PTPRD: variants seen among roughly 807,000 people sequenced by gnomAD.
The protein encoded by PTPRD is receptor-type tyrosine-protein phosphatase delta.
Under a neutral mutation model 214.5 loss-of-function variants are expected in PTPRD, and 34 were observed. That is an observed-to-expected ratio of 0.16 (90% confidence interval 0.12 to 0.21). The LOEUF (loss-of-function observed/expected upper bound fraction) is 0.21. Ranked by LOEUF, PTPRD falls within the 10% of genes least tolerant of loss-of-function variation. The pLI, the probability that PTPRD is intolerant of heterozygous loss-of-function variation, is 1.00. For missense variants in PTPRD, 2,545 were observed against 2,398.7 expected (o/e 1.06, Z -1.27); for synonymous variants, 1,128 against 845.7 (o/e 1.33, Z -5.79).
intron 39 of PTPRD, among the ~76,000 whole-genome samples, chr9:8,354,262 G>T (rs2076417650): frequency 6.6e-6 from 1 of 151,664 alleles, no homozygotes; most frequent in Admixed American, 6.6e-5. Context: ...TGTAAAATGG[G>T]ATTCACTTCC....
At chr9:8,723,098 T>C (rs2098519254) in intron 12 of PTPRD, among the ~76,000 whole-genome samples, 2 of 152,128 alleles carry the variant, frequency 1.3e-5, no homozygotes, top group Admixed American at 1.3e-4. Context: ...CTCCTATACC[T>C]AGCCCAGCAA....
intron 11 of PTPRD, among the ~76,000 whole-genome samples, chr9:8,989,174 G>A (rs1166670392): frequency 1.6e-4 from 25 of 151,720 alleles, no homozygotes; most frequent in Admixed American, 1.6e-3. Context: ...AATCAGGGTA[G>A]GGATATTCAT....
chr9:9,187,956 A>G (rs932975883), intron 9 of PTPRD, among the ~76,000 whole-genome samples: 12 of 152,034 alleles, frequency 7.9e-5, no homozygotes, highest in Non-Finnish European at 1.2e-4. Flanking sequence ...ACTTATAGAA[A>G]AGTACATAAA....
In PTPRD at chr9:10,475,983, C is replaced by T. The variant is rs138745070; in HGVS notation, c.-599-134966G>A. Among the ~76,000 whole-genome samples, 449 of 152,132 alleles carry T rather than the reference C, an allele frequency of 3.0e-3. 2 individuals are homozygous for T. Among genetic ancestry groups the T allele is most frequent in the Non-Finnish European group, 5.2e-3 (351 of 67,966 alleles). On this transcript the variant is annotated intron_variant, in intron 2 of 45. Coordinates refer to ENST00000381196, the MANE Select transcript of PTPRD (RefSeq NM_002839.4). ...AACTAGATATTGATAGAAGATATCT[C>T]AAAATAATAAAATCTATTTATAACA... is the stretch of plus-strand genomic sequence containing the variant.
chr9:9,377,049 A>C (rs1416189400), intron 9 of PTPRD, among the ~76,000 whole-genome samples: 1 of 152,072 alleles, frequency 6.6e-6, no homozygotes. Context: ...TAAAGGAAGA[A>C]TTTGGCTGGA....
intron 10 of PTPRD, among the ~76,000 whole-genome samples, chr9:9,073,290 C>T (rs1342588595): frequency 1.3e-5 from 2 of 152,054 alleles, no homozygotes; most frequent in African/African-American, 2.4e-5. Flanking sequence ...TGTGGACTCT[C>T]GAATCAGATG....
chr9:9,947,305 TTATATATATATTATATATATTA>T (rs1330545548), intron 4 of PTPRD, among the ~76,000 whole-genome samples: 4 of 81,538 alleles, frequency 4.9e-5, no homozygotes, highest in Non-Finnish European at 6.3e-5. Context: ...TATATATATT[TTATATATATATTATATATATTA>T]TATATGTATT....
chr9:8,720,842 C>G (rs1001905492), intron 12 of PTPRD, among the ~76,000 whole-genome samples: 12 of 152,068 alleles, frequency 7.9e-5, no homozygotes, highest in Admixed American at 3.9e-4. Flanking sequence ...CTACAATGAA[C>G]CTGGATAACT....
chr9:8,752,032 C>A (rs2093585939), intron 11 of PTPRD, among the ~76,000 whole-genome samples: 2 of 152,204 alleles, frequency 1.3e-5, no homozygotes, highest in African/African-American at 4.8e-5. Flanking sequence ...GGAAGAAGCT[C>A]TGCATGGTCC....
chr9:9,552,604 G>A (rs574120658), intron 8 of PTPRD, among the ~76,000 whole-genome samples: 2 of 152,078 alleles, frequency 1.3e-5, no homozygotes, highest in Non-Finnish European at 2.9e-5. Context: ...TCTGTCTAAT[G>A]ACCTAAGAAT....
chr9:10,441,111 T>C (rs772241297), intron 2 of PTPRD, among the ~76,000 whole-genome samples: 2 of 151,688 alleles, frequency 1.3e-5, no homozygotes, highest in African/African-American at 2.4e-5. Flanking sequence ...TCGCTTTCTA[T>C]CCAGTCTCAT....
chr9:9,019,882 C>CT (rs1160367980), intron 10 of PTPRD, among the ~76,000 whole-genome samples: 6 of 151,552 alleles, frequency 4.0e-5, no homozygotes, highest in Non-Finnish European at 7.4e-5. Context: ...AACTTGTTCA[C>CT]TTTTTTTTTC....
At chr9:9,112,202 G>A (rs542322403) in intron 10 of PTPRD, among the ~76,000 whole-genome samples, 1 of 152,160 alleles carries the variant, frequency 6.6e-6, no homozygotes, top group Non-Finnish European at 1.5e-5. Context: ...GACCGTGAAA[G>A]CACTGTCTAC....
chr9:8,952,913 G>T (rs2099110720), intron 11 of PTPRD, among the ~76,000 whole-genome samples: 1 of 151,674 alleles, frequency 6.6e-6, no homozygotes, highest in Admixed American at 6.6e-5. Flanking sequence ...AGAATCAATT[G>T]ATCTTTCACT....
chr9:10,600,034 A>T (rs2077569901), intron 2 of PTPRD, among the ~76,000 whole-genome samples: 1 of 151,816 alleles, frequency 6.6e-6, no homozygotes. Context: ...GAAAGTGTTC[A>T]TGTAATATAT....
chr9:8,590,133 T>C (rs925305656), intron 14 of PTPRD, among the ~76,000 whole-genome samples: 1 of 152,110 alleles, frequency 6.6e-6, no homozygotes, highest in African/African-American at 2.4e-5. Context: ...ACAGTCATAA[T>C]ATGAGCTGGA....
intron 8 of PTPRD, among the ~76,000 whole-genome samples, chr9:9,419,565 A>G (rs192418623): frequency 5.9e-5 from 9 of 151,888 alleles, no homozygotes; most frequent in African/African-American, 2.4e-5. Flanking sequence ...AAAAGCCCCA[A>G]TATGTATATT....
chr9:9,394,255 CT>C (rs1290877074), intron 9 of PTPRD, among the ~76,000 whole-genome samples: 6 of 151,834 alleles, frequency 4.0e-5, no homozygotes, highest in Non-Finnish European at 8.8e-5. Context: ...ATGCTGAGAC[CT>C]TTTAAAAAAT....
chr9:10,203,469 C>G (rs2099443459), intron 3 of PTPRD, among the ~76,000 whole-genome samples: 1 of 152,040 alleles, frequency 6.6e-6, no homozygotes, highest in Non-Finnish European at 1.5e-5. Flanking sequence ...GCCACACCCA[C>G]ATTTTGAAGC....
Sources: gnomAD v4.1 joint callset for allele counts (sites outside exome capture counted in the v4.1 genomes callset) on GRCh38, gnomAD v4.1.1 for gene constraint, MANE v1.5 for transcripts, NCBI Gene and HGNC (gene_info 2026-07-23, HGNC 2026-07-21) for gene names.